Variants in CD300LF observed in about 807,000 individuals in gnomAD.
The protein encoded by CD300LF is CD300 molecule like family member f.
CD300LF carries 27 observed loss-of-function variants against 32.2 expected under a neutral mutation model. The ratio of observed to expected loss-of-function variants is 0.84; its 90% CI spans 0.62 to 1.15. The LOEUF (loss-of-function observed/expected upper bound fraction) is 1.15, where lower values mean the gene tolerates loss of function less well. CD300LF is among the 50% of genes most tolerant of loss of function. The pLI is 0.00. For synonymous variants in CD300LF, 139 were observed against 143.2 expected (o/e 0.97, Z 0.21); for missense variants, 348 against 356.8 (o/e 0.98, Z 0.20).
intron 1 of CD300LF, among the ~76,000 whole-genome samples, chr17:74,708,780 G>T (rs1177914961): frequency 1.3e-5 from 2 of 152,034 alleles, no homozygotes; most frequent in Non-Finnish European, 2.9e-5. Context: ...GCCAGGCGTG[G>T]TGGCGGGCGC....
intron 3 of CD300LF, among the ~76,000 whole-genome samples, chr17:74,701,033 G>A (rs568337611): frequency 6.6e-6 from 1 of 152,302 alleles, no homozygotes; most frequent in African/African-American, 2.4e-5. Flanking sequence ...TACAAGCTGA[G>A]AAGACTCAGA....
chr17:74,712,796 C>T lies in CD300LF; in HGVS notation c.43+28G>A, dbSNP rs1035222285. On this transcript the variant is annotated intron_variant, in intron 1 of 6. Transcript: ENST00000326165. ...ACCTCCTCCTGCTTGCTAAGCTTCC[C>T]CAAGAAGACAGACCCAGGCCCGCTC... is the stretch of plus-strand genomic sequence containing the variant. 3.7e-6 allele frequency: 6 copies of T among 1,613,580 alleles called. No individual in the cohort carries two copies. The African/African-American group carries it at 6.7e-5, about 18-fold the overall frequency.
At chr17:74,711,138 A>G (rs778859691) in intron 1 of CD300LF, among the ~76,000 whole-genome samples, 1 of 152,140 alleles carries the variant, frequency 6.6e-6, no homozygotes, top group African/African-American at 2.4e-5. Context: ...TAGAAGAGGG[A>G]AACAGGGTAA....
intron 1 of CD300LF, chr17:74,705,393 A>G (rs1598260742): frequency 1.8e-6 from 1 of 543,110 alleles, no homozygotes; most frequent in East Asian, 2.9e-5. Context: ...GGATCCATAC[A>G]ACACAGATCC....
At chr17:74,703,271 CTG>C in intron 2 of CD300LF, 173 bp from the exon 3 acceptor site, 3 of 673,550 alleles carry the variant, frequency 4.5e-6, no homozygotes, top group Admixed American at 2.7e-5. Flanking sequence ...GGGCTGCAGC[CTG>C]GACCACTCAT....
intron 4 of CD300LF, among the ~76,000 whole-genome samples, chr17:74,696,899 ATTTTGTTTGGTTTGG>A (rs1023038450): frequency 2.9e-5 from 4 of 136,020 alleles, no homozygotes; most frequent in African/African-American, 1.1e-4. Flanking sequence ...GTAGGGACCG[ATTTTGTTTGGTTTGG>A]TTTGGTTTGG....
At chr17:74,699,793 A>G (rs1277395614) in intron 3 of CD300LF, among the ~76,000 whole-genome samples, 1 of 152,108 alleles carries the variant, frequency 6.6e-6, no homozygotes, top group African/African-American at 2.4e-5. Flanking sequence ...TCATTGCCAC[A>G]GCAGCCGGGG....
At chr17:74,708,760 C>CA (rs1442410229) in intron 1 of CD300LF, among the ~76,000 whole-genome samples, 5 of 151,812 alleles carry the variant, frequency 3.3e-5, no homozygotes, top group Non-Finnish European at 7.4e-5. Context: ...ACTAAAAATA[C>CA]AAAAAATTAG....
At chr17:74,701,492 C>G (rs1333750836) in intron 3 of CD300LF, among the ~76,000 whole-genome samples, 1 of 152,204 alleles carries the variant, frequency 6.6e-6, no homozygotes, top group Non-Finnish European at 1.5e-5. Context: ...TTAACTATTA[C>G]TTATTCAAAG....
chr17:74,705,186 C>G (rs1458226170), intron 1 of CD300LF: 3 of 697,458 alleles, frequency 4.3e-6, no homozygotes, highest in Non-Finnish European at 5.3e-6. Context: ...CAGGAGACCC[C>G]TTTCCACAGG....
chr17:74,704,298 C>A, intron 2 of CD300LF, 180 bp downstream of exon 2: 1 of 599,048 alleles, frequency 1.7e-6, no homozygotes, highest in East Asian at 2.8e-5. Context: ...GCCCTGGGAG[C>A]CATGGGGGCA....
chr17:74,706,397 G>C (rs1388692844), intron 1 of CD300LF, among the ~76,000 whole-genome samples: 1 of 148,342 alleles, frequency 6.7e-6, no homozygotes, highest in East Asian at 2.0e-4. Flanking sequence ...ATCTTTCAAA[G>C]GTGAGAATAT....
chr17:74,705,301 G>A, intron 1 of CD300LF: 2 of 693,486 alleles, frequency 2.9e-6, no homozygotes, highest in Non-Finnish European at 5.3e-6. Flanking sequence ...ATGATTTCTA[G>A]TGGTTCTGGA....
Position 74,695,207 on chromosome 17 carries a change from C to G in CD300LF, c.762G>C (p.Leu254Phe). ...KEDISYASLTLGAEDQEPTYC... is the reference protein window; with the variant it reads ...KEDISYASLTFGAEDQEPTYC... ...AGGTCGGTTCCTGATCCTCAGCACCCAAGGTCAGAGATGCATAGGAAATGT... is the reference window on the plus strand; with the variant it reads ...AGGTCGGTTCCTGATCCTCAGCACCGAAGGTCAGAGATGCATAGGAAATGT... The change falls in exon 7 of 7, where the codon TTG (leucine) becomes TTC (phenylalanine). Residue 254 changes from leucine (L) to phenylalanine (F), a missense_variant. Leu to Phe is a conservative substitution (Grantham distance 22). Coordinates refer to ENST00000326165, the MANE Select transcript of CD300LF (RefSeq NM_139018.5). The G allele has an allele frequency of 6.2e-7, 1 of 1,614,164 alleles. No homozygotes were observed. The highest frequency in any genetic ancestry group is 1.3e-5 in the African/African-American group (1 of 75,048).
At chr17:74,710,701 A>C (rs922787431) in intron 1 of CD300LF, among the ~76,000 whole-genome samples, 1 of 141,400 alleles carries the variant, frequency 7.1e-6, no homozygotes, top group Non-Finnish European at 1.6e-5. Context: ...TCTACTAAAA[A>C]TACGAAAAAA....
At chr17:74,700,815 C>T (rs1052551969) in intron 3 of CD300LF, among the ~76,000 whole-genome samples, 6 of 152,202 alleles carry the variant, frequency 3.9e-5, no homozygotes, top group East Asian at 3.9e-4. Context: ...ACCACCCCCC[C>T]ACCCCAATCC....
intron 4 of CD300LF, among the ~76,000 whole-genome samples, chr17:74,696,505 C>G (rs1009098310): frequency 6.6e-6 from 1 of 152,206 alleles, no homozygotes; most frequent in Non-Finnish European, 1.5e-5. Flanking sequence ...TGCCAGCCAT[C>G]GGCTCCCCTG....
chr17:74,704,246 T>G, intron 2 of CD300LF: 2 of 531,172 alleles, frequency 3.8e-6, no homozygotes, highest in South Asian at 2.4e-5. Context: ...TGTGCAGAGG[T>G]AAAAAATGTG....
At chr17:74,704,861 C>T in intron 1 of CD300LF, 45 bp from the exon 2 acceptor site, 1 of 1,463,610 alleles carries the variant, frequency 6.8e-7, no homozygotes, top group Non-Finnish European at 9.4e-7. Context: ...ACCCCAAGGG[C>T]AGGGCCACAG....
Sources: allele counts gnomAD v4.1 joint callset (sites outside exome capture counted in the v4.1 genomes callset), GRCh38; gene constraint gnomAD v4.1.1; transcripts MANE v1.5; gene names NCBI Gene and HGNC (gene_info 2026-07-23, HGNC 2026-07-21).